Variants in BCAS3 observed in about 807,000 individuals in gnomAD.
The protein encoded by BCAS3 is BCAS3 microtubule associated cell migration factor, also known as BCAS4/BCAS3 fusion.
Under a neutral mutation model 116.1 loss-of-function variants are expected in BCAS3, and 53 were observed. The observed-to-expected ratio is 0.46, with a 90% CI of 0.37 to 0.57. The LOEUF is 0.57. BCAS3 is among the 20% of genes least tolerant of loss of function. The probability of loss-of-function intolerance (pLI) is 0.00; values close to 1 mark genes in which losing one functional copy is unlikely to be tolerated. For missense variants in BCAS3, 917 were observed against 1,165.4 expected (o/e 0.79, Z 3.10); for synonymous variants, 391 against 408.2 (o/e 0.96, Z 0.51).
chr17:61,112,784 A>AT (rs951802073), intron 22 of BCAS3, among the ~76,000 whole-genome samples: 2 of 151,700 alleles, frequency 1.3e-5, no homozygotes, highest in Non-Finnish European at 2.9e-5. Flanking sequence ...CAGAATATAC[A>AT]TTTTTTTCAG....
intron 22 of BCAS3, among the ~76,000 whole-genome samples, chr17:61,254,551 G>A (rs932418420): frequency 2.6e-5 from 4 of 152,072 alleles, no homozygotes; most frequent in Non-Finnish European, 5.9e-5. Flanking sequence ...GGCCGTGGCG[G>A]GCGGATCACA....
chr17:60,970,272 A>G (rs1020254783), intron 14 of BCAS3, among the ~76,000 whole-genome samples: 4 of 152,282 alleles, frequency 2.6e-5, no homozygotes, highest in Middle Eastern at 3.4e-3. Context: ...CAATGCTTCA[A>G]TGAAAATGGC....
At chr17:60,899,738 T>C (rs2057754808) in intron 10 of BCAS3, among the ~76,000 whole-genome samples, 1 of 151,960 alleles carries the variant, frequency 6.6e-6, no homozygotes, top group South Asian at 2.1e-4. Context: ...CCTTGTGATC[T>C]GCCCACCTCA....
chr17:60,775,316 A>C (rs2045166708), intron 6 of BCAS3, among the ~76,000 whole-genome samples: 1 of 152,148 alleles, frequency 6.6e-6, no homozygotes, highest in African/African-American at 2.4e-5. Flanking sequence ...AAGGAGTCTT[A>C]AACTTTCCTT....
At chr17:60,793,750 C>G (rs2046978544) in intron 6 of BCAS3, among the ~76,000 whole-genome samples, 2 of 152,130 alleles carry the variant, frequency 1.3e-5, no homozygotes, top group Non-Finnish European at 2.9e-5. Context: ...TTTTATGGCT[C>G]AGGAATATTC....
chr17:60,780,280 G>A (rs546432020), intron 6 of BCAS3, among the ~76,000 whole-genome samples: 13 of 149,314 alleles, frequency 8.7e-5, no homozygotes, highest in African/African-American at 3.0e-4. Context: ...GAGCCACCAT[G>A]CCCTGCCTAT....
At chr17:61,143,050 T>C (rs1365243240) in intron 22 of BCAS3, among the ~76,000 whole-genome samples, 4 of 152,198 alleles carry the variant, frequency 2.6e-5, no homozygotes, top group African/African-American at 9.7e-5. Flanking sequence ...CTCAATTTTT[T>C]CAGTGCTGAA....
intron 22 of BCAS3, among the ~76,000 whole-genome samples, chr17:61,127,126 C>G (rs1472022109): frequency 2.0e-5 from 3 of 152,176 alleles, no homozygotes; most frequent in Non-Finnish European, 2.9e-5. Context: ...GTAGGAGCTT[C>G]TTGACATTTT....
intron 5 of BCAS3, among the ~76,000 whole-genome samples, chr17:60,710,955 A>G (rs1291786910): frequency 6.6e-6 from 1 of 151,646 alleles, no homozygotes; most frequent in East Asian, 2.0e-4. Flanking sequence ...GGCACGTGCC[A>G]CCACACCCAG....
In BCAS3 at chr17:60,951,786, T is replaced by C. The variant is rs867021586; in HGVS notation, c.1221+4434T>C. On this transcript the variant is annotated intron_variant, in intron 14 of 23. Coordinates refer to ENST00000407086, the MANE Select transcript of BCAS3 (RefSeq NM_017679.5). ...TTTCTTTTTTTTTTTTTTTTTTTTT[T>C]CTTTGGAGACGGAGTCTCTATCGCT... Among the ~76,000 whole-genome samples the C allele has an allele frequency of 2.8e-3, 343 of 124,114 alleles. 1 individual carries two copies. Among genetic ancestry groups the C allele is most frequent in the African/African-American group, 0.012 (308 of 25,040 alleles). 81.4% of individuals were successfully genotyped at this position (124,114 alleles called of 152,430 possible). A position where few individuals can be genotyped will look rare whatever the true frequency, so the allele number is the denominator to read the frequency against.
rs964755393 is a variant in BCAS3, at chr17:61,024,231, C to T, written c.1637+8330C>T. ...ACTATCCATACAAAGACAGTAATTA[C>T]GTCAGTCACTATAATTCTTTGGAGT... is the stretch of plus-strand genomic sequence containing the variant. On this transcript the variant is annotated intron_variant, in intron 16 of 23. Coordinates refer to ENST00000407086, the MANE Select transcript of BCAS3 (RefSeq NM_017679.5). Among the ~76,000 whole-genome samples, 5 of 152,144 alleles carry T rather than the reference C, an allele frequency of 3.3e-5. No individual in the cohort carries two copies. In the East Asian group the frequency reaches 9.6e-4, roughly 29 times the overall value.
intron 4 of BCAS3, among the ~76,000 whole-genome samples, chr17:60,699,882 G>A (rs1432443476): frequency 1.4e-5 from 2 of 143,928 alleles, no homozygotes; most frequent in South Asian, 2.2e-4. Context: ...AAAAAAAAAA[G>A]AGCAGTTTTG....
intron 22 of BCAS3, among the ~76,000 whole-genome samples, chr17:61,184,560 A>C (rs1413947455): frequency 6.6e-6 from 1 of 152,182 alleles, no homozygotes; most frequent in Non-Finnish European, 1.5e-5. Context: ...GTTTCTTATA[A>C]AGTTAAATAT....
rs1443651300 is a variant in BCAS3, at chr17:60,765,438, C to CTTCAG, written c.403+18163_403+18164insGTTCA. On this transcript the variant is annotated intron_variant, in intron 6 of 23. Coordinates refer to ENST00000407086, the MANE Select transcript of BCAS3 (RefSeq NM_017679.5). ...TTGTCTGTAAAGGATTTTATTTCTC[C>CTTCAG]TTCACTTATGAAGCTTAGTTTGGCT... Among the ~76,000 whole-genome samples, 5 of 152,106 alleles carry CTTCAG rather than the reference C, an allele frequency of 3.3e-5. No individual in the cohort carries two copies. The East Asian group carries it at 9.6e-4, about 29-fold the overall frequency.
At chr17:61,074,246 GA>G (rs1395893917) in intron 19 of BCAS3, among the ~76,000 whole-genome samples, 2 of 149,180 alleles carry the variant, frequency 1.3e-5, no homozygotes, top group Admixed American at 1.3e-4. Context: ...AAGAAAAAAA[GA>G]AAAAAATACC....
At chr17:61,014,404 G>A (rs886685284) in intron 15 of BCAS3, among the ~76,000 whole-genome samples, 1 of 152,094 alleles carries the variant, frequency 6.6e-6, no homozygotes, top group Non-Finnish European at 1.5e-5. Flanking sequence ...ATGGATCAAT[G>A]CAGGAATAGA....
At chr17:60,894,599 CTG>C (rs1412013841) in intron 10 of BCAS3, among the ~76,000 whole-genome samples, 2 of 152,154 alleles carry the variant, frequency 1.3e-5, no homozygotes, top group Non-Finnish European at 2.9e-5. Context: ...GACTTCAGTA[CTG>C]TGTCGAATAC....
chr17:61,039,964 T>C (rs1294805146), intron 18 of BCAS3, among the ~76,000 whole-genome samples: 1 of 152,194 alleles, frequency 6.6e-6, no homozygotes, highest in Middle Eastern at 3.2e-3. Context: ...TTAAGCCTTA[T>C]AGGAATGTTT....
At chr17:60,936,149 G>C (rs1336914387) in intron 13 of BCAS3, among the ~76,000 whole-genome samples, 1 of 151,402 alleles carries the variant, frequency 6.6e-6, no homozygotes, top group African/African-American at 2.4e-5. Flanking sequence ...GAGAATGATG[G>C]TTTCCAGCTT....
Sources: gnomAD v4.1 joint callset for allele counts (sites outside exome capture counted in the v4.1 genomes callset) on GRCh38, gnomAD v4.1.1 for gene constraint, MANE v1.5 for transcripts, NCBI Gene and HGNC (gene_info 2026-07-23, HGNC 2026-07-21) for gene names.